XKR6: variants seen among roughly 807,000 people sequenced by gnomAD.
XKR6 encodes XK-related protein 6.
XKR6 carries 22 observed loss-of-function variants against 56.7 expected under a neutral mutation model. The ratio of observed to expected loss-of-function variants is 0.39; its 90% CI spans 0.28 to 0.55. The LOEUF is 0.55. Among genes scored for constraint, XKR6 ranks in the 20% least tolerant of loss-of-function variants. XKR6 has a pLI of 0.66. For missense variants in XKR6, 852 were observed against 889.0 expected, an observed-to-expected ratio of 0.96 and a Z score of 0.53; for synonymous variants, 524 against 387.8, an observed-to-expected ratio of 1.35 and a Z score of -4.13.
At chr8:11,156,925 G>C (rs574583332) in intron 1 of XKR6, among the ~76,000 whole-genome samples, 4 of 152,246 alleles carry the variant, frequency 2.6e-5, no homozygotes, top group Non-Finnish European at 5.9e-5. Flanking sequence ...AAAAGGCAAA[G>C]AGAGTAACTT....
intron 1 of XKR6, among the ~76,000 whole-genome samples, chr8:10,949,360 G>T (rs939554470): frequency 6.6e-6 from 1 of 152,228 alleles, no homozygotes; most frequent in South Asian, 2.1e-4. Context: ...TTCATCTGGG[G>T]TGCAGCAGCA....
chr8:11,033,745 C>T (rs1313027512), intron 1 of XKR6, among the ~76,000 whole-genome samples: 1 of 152,134 alleles, frequency 6.6e-6, no homozygotes, highest in Non-Finnish European at 1.5e-5. Context: ...ATGAGAAAGC[C>T]TCTGGGTGTG....
At chr8:11,108,818 G>C (rs967616278) in intron 1 of XKR6, 1 of 162,184 alleles carries the variant, frequency 6.2e-6, no homozygotes, top group African/African-American at 2.4e-5. Context: ...ACATGACCAG[G>C]GCCAGTCCCT....
chr8:11,120,713 GA>G (rs1251591006), intron 1 of XKR6, among the ~76,000 whole-genome samples: 3 of 152,122 alleles, frequency 2.0e-5, no homozygotes, highest in Non-Finnish European at 4.4e-5. Flanking sequence ...AACCAAAAAA[GA>G]GCCCGCATCG....
chr8:10,969,387 C>A lies in XKR6; in HGVS notation c.765-44557G>T, dbSNP rs112778855. On this transcript the variant is annotated intron_variant, in intron 1 of 2. Coordinates refer to ENST00000416569, the MANE Select transcript of XKR6 (RefSeq NM_173683.4). The stretch of plus-strand genomic sequence containing the variant: ...GGTTGAGGATGTCACCCAGTGGTAT[C>A]CAAAGGAACTCCGGGAAAAGGACTG... Among the ~76,000 whole-genome samples, 631 of 152,234 alleles carry A rather than the reference C, an allele frequency of 4.1e-3. 4 individuals are homozygous for A. The highest frequency in any genetic ancestry group is 0.015 in the African/African-American group (603 of 41,522).
rs774942684 is a variant in XKR6 at position 11,200,893 on chromosome 8, C to T, written c.447G>A (p.Leu149=). ...CCCCCTTGCGGTAGTAGTCGAGGGCCAGCCACAGGTCGGTGCCCACGTCCC... is the reference window on the plus strand; with the variant it reads ...CCCCCTTGCGGTAGTAGTCGAGGGCTAGCCACAGGTCGGTGCCCACGTCCC... The part of the protein sequence containing the change: ...FFGDVGTDLW[L]ALDYYRKGDY... Residue 149 remains leucine (L), a synonymous_variant, in exon 1 of 3, where the codon CTG becomes CTA. Transcript: ENST00000416569. The surrounding 1 kb of genome is among the most constrained non-coding windows in gnomAD (Gnocchi z 6.4). 1 of 1,610,966 alleles carries T rather than the reference C, an allele frequency of 6.2e-7. No individual in the cohort carries two copies. The highest frequency in any genetic ancestry group is 1.1e-5 in the South Asian group (1 of 90,990).
Position 11,200,818 on chromosome 8 carries a change from C to T in XKR6, c.522G>A (p.Leu174=), listed in dbSNP as rs773215691. The change falls in exon 1 of 3, where the codon CTG becomes CTA. Residue 174 remains leucine (L), a synonymous_variant. Transcript: ENST00000416569. The surrounding 1 kb of genome is among the most constrained non-coding windows in gnomAD (Gnocchi z 6.4). ...LTLFFVLVPS[L]LVQSLSFRWF... The stretch of plus-strand genomic sequence containing the variant: ...AGCGGAAGCTCAGGCTCTGCACCAG[C>T]AGCGACGGCACCAGCACGAAGAAGA... 3 of 1,611,882 alleles carry T rather than the reference C, an allele frequency of 1.9e-6. No homozygotes were observed. The highest frequency in any genetic ancestry group is 1.3e-5 in the African/African-American group (1 of 74,872).
chr8:11,027,785 G>T (rs1798902771), intron 1 of XKR6, among the ~76,000 whole-genome samples: 1 of 152,142 alleles, frequency 6.6e-6, no homozygotes, highest in Non-Finnish European at 1.5e-5. Context: ...AGTGAGGACG[G>T]TCATCATTGT....
chr8:11,024,140 T>A (rs1798807683), intron 1 of XKR6, among the ~76,000 whole-genome samples: 2 of 151,910 alleles, frequency 1.3e-5, no homozygotes. Context: ...TCCCTCGCCC[T>A]CAAGTTTAAA....
intron 1 of XKR6, among the ~76,000 whole-genome samples, chr8:11,067,891 A>G (rs773545676): frequency 6.6e-6 from 1 of 152,230 alleles, no homozygotes; most frequent in Non-Finnish European, 1.5e-5. Context: ...GGGTCTCCCC[A>G]TGACTGCAGC....
chr8:11,120,839 A>G (rs1483025603), intron 1 of XKR6, among the ~76,000 whole-genome samples: 4 of 152,212 alleles, frequency 2.6e-5, no homozygotes, highest in Non-Finnish European at 5.9e-5. Flanking sequence ...CAAAACAGAG[A>G]TATAGACCAA....
chr8:11,179,673 C>A (rs1435671694), intron 1 of XKR6, among the ~76,000 whole-genome samples: 1 of 152,160 alleles, frequency 6.6e-6, no homozygotes, highest in African/African-American at 2.4e-5. Flanking sequence ...GTGCTCTTGG[C>A]CCAATTGCTC....
At chr8:11,005,057 C>A (rs568832465) in intron 1 of XKR6, among the ~76,000 whole-genome samples, 1 of 152,056 alleles carries the variant, frequency 6.6e-6, no homozygotes, top group African/African-American at 2.4e-5. Context: ...ATGGGAGATA[C>A]GTTTCAGTGG....
rs944646559 is a variant in XKR6, at chr8:11,141,752, G to C, written c.764+58824C>G. On this transcript the variant is annotated intron_variant, in intron 1 of 2. Transcript: ENST00000416569. ...CTATCTGTCTCCATAGCCCTTGACTGGTGACCCTAGCCACACTCTCAAAAG... is the reference window on the plus strand; with the variant it reads ...CTATCTGTCTCCATAGCCCTTGACTCGTGACCCTAGCCACACTCTCAAAAG... Among the ~76,000 whole-genome samples the C allele has an allele frequency of 2.6e-5, 4 of 152,092 alleles. No individual in the cohort carries two copies. In the South Asian group the frequency reaches 8.3e-4, roughly 32 times the overall value.
chr8:11,154,269 T>G (rs958659064), intron 1 of XKR6, among the ~76,000 whole-genome samples: 1 of 152,146 alleles, frequency 6.6e-6, no homozygotes, highest in East Asian at 1.9e-4. Context: ...AATCAATCAA[T>G]CAAACATGCT....
At chr8:11,035,245 A>C (rs202198879) in intron 1 of XKR6, 1 of 534,654 alleles carries the variant, frequency 1.9e-6, no homozygotes, top group Non-Finnish European at 3.8e-6. Flanking sequence ...ATGACGTAGC[A>C]CCCCATTTCC....
At chr8:11,144,733 T>C (rs1800892390) in intron 1 of XKR6, among the ~76,000 whole-genome samples, 1 of 152,086 alleles carries the variant, frequency 6.6e-6, no homozygotes. Context: ...AAGCCGTGCC[T>C]GAAACATTCA....
chr8:11,117,976 A>T (rs568311552), intron 1 of XKR6, among the ~76,000 whole-genome samples: 2 of 152,326 alleles, frequency 1.3e-5, no homozygotes, highest in East Asian at 3.9e-4. Flanking sequence ...GTGGGGGACC[A>T]GGCATCCAAA....
chr8:10,962,198 C>T (rs1802084418), intron 1 of XKR6, among the ~76,000 whole-genome samples: 2 of 152,168 alleles, frequency 1.3e-5, no homozygotes, highest in African/African-American at 4.8e-5. Flanking sequence ...AAAATGCAAA[C>T]CATAAGTAGG....
Sources: allele counts gnomAD v4.1 joint callset (sites outside exome capture counted in the v4.1 genomes callset), GRCh38; gene constraint gnomAD v4.1.1; non-coding constraint Gnocchi (gnomAD v3.1); transcripts MANE v1.5; gene names NCBI Gene and HGNC (gene_info 2026-07-23, HGNC 2026-07-21).